PRUNE2: variants seen among roughly 807,000 people sequenced by gnomAD.
PRUNE2 encodes the protein prune homolog 2 with BCH domain.
In PRUNE2, 164 loss-of-function variants were observed where a neutral mutation model predicts 252.0. The ratio of observed to expected loss-of-function variants is 0.65; its 90% confidence interval spans 0.57 to 0.74. The LOEUF is 0.74. Among genes scored for constraint, PRUNE2 ranks in the 30% least tolerant of loss-of-function variants. The pLI is 0.00. For missense variants in PRUNE2, 3,495 were observed against 3,711.0 expected, an observed-to-expected ratio of 0.94 and a Z score of 1.51; for synonymous variants, 1,292 against 1,350.2, an observed-to-expected ratio of 0.96 and a Z score of 0.94.
chr9:76,871,788 C>T (rs1589696085), intron 1 of PRUNE2, among the ~76,000 whole-genome samples: 1 of 152,254 alleles, frequency 6.6e-6, no homozygotes, highest in Non-Finnish European at 1.5e-5. Flanking sequence ...GCCACCCCGC[C>T]TGGCCAATTT....
intron 6 of PRUNE2, among the ~76,000 whole-genome samples, chr9:76,725,073 T>C (rs1265900015): frequency 6.6e-6 from 1 of 152,236 alleles, no homozygotes; most frequent in Non-Finnish European, 1.5e-5. Context: ...TTTTGAGCCA[T>C]GAGCCTGAAC....
chr9:76,637,422 T>C lies in PRUNE2; in HGVS notation c.8959A>G (p.Arg2987Gly). 1 of 1,613,640 alleles carries C rather than the reference T, an allele frequency of 6.2e-7. No individual in the cohort carries two copies. Among genetic ancestry groups the C allele is most frequent in the South Asian group, 1.1e-5 (1 of 91,082 alleles). Reference sequence around the variant, plus strand: ...TAAATAATAGAGCCCACATACCGTCTGTCAATCATCTGGTAGCATTTCTTC... The same window carrying C: ...TAAATAATAGAGCCCACATACCGTCCGTCAATCATCTGGTAGCATTTCTTC... ...WMKKCYQMID[R>G]RLRKNLKSFI... is the part of the protein sequence containing the mutation. Residue 2987 changes from arginine (R) to glycine (G), a missense_variant, in exon 14 of 19, where the codon AGA (arginine) becomes GGA (glycine). Physicochemically the swap from Arg to Gly is moderately radical, Grantham distance 125. Transcript: ENST00000376718.
intron 9 of PRUNE2, among the ~76,000 whole-genome samples, chr9:76,698,462 T>G (rs952919232): frequency 1.3e-5 from 2 of 152,102 alleles, no homozygotes; most frequent in Non-Finnish European, 2.9e-5. Flanking sequence ...TTCTTCCAGG[T>G]TTGGTACAGG....
chr9:76,716,113 A>G (rs1190208413), intron 6 of PRUNE2, among the ~76,000 whole-genome samples: 1 of 152,202 alleles, frequency 6.6e-6, no homozygotes, highest in Non-Finnish European at 1.5e-5. Context: ...AAGAGGGGGC[A>G]GGTTTTATTT....
chr9:76,694,664 T>C (rs1314781035), intron 9 of PRUNE2, among the ~76,000 whole-genome samples: 1 of 152,236 alleles, frequency 6.6e-6, no homozygotes. Context: ...TTGCAAGATG[T>C]TCTCACAGAT....
intron 9 of PRUNE2, among the ~76,000 whole-genome samples, chr9:76,677,546 G>A (rs1015644101): frequency 1.3e-5 from 2 of 152,184 alleles, no homozygotes; most frequent in East Asian, 3.9e-4. Flanking sequence ...GCTGGCAGCC[G>A]GCCCTCTGTG....
Position 76,851,265 on chromosome 9 carries a change from G to A in PRUNE2, c.142-600C>T, listed in dbSNP as rs185564428. 4.1e-3 allele frequency among the ~76,000 whole-genome samples: 630 copies of A among 152,086 alleles called. 3 individuals are homozygous for A. The highest frequency in any genetic ancestry group is 0.014 in the African/African-American group (600 of 41,484). On this transcript the variant is annotated intron_variant, in intron 2 of 18. Coordinates refer to ENST00000376718, the MANE Select transcript of PRUNE2 (RefSeq NM_015225.3). The stretch of plus-strand genomic sequence containing the variant: ...AGTGTAGTTAAAACTTTAAATTAAC[G>A]GGCTGGGTGCGATGGTTCATGCCCG...
chr9:76,784,928 C>T (rs1035880174), intron 6 of PRUNE2: 2 of 152,010 alleles, frequency 1.3e-5, no homozygotes, highest in East Asian at 3.9e-4. Flanking sequence ...TTTTTTTTAA[C>T]CTGGAAGAAT....
At chr9:76,787,080 T>C (rs1005594983) in intron 6 of PRUNE2, 1 of 152,234 alleles carries the variant, frequency 6.6e-6, no homozygotes, top group African/African-American at 2.4e-5. Context: ...CATTTGAGAA[T>C]TCCAATTAGG....
intron 6 of PRUNE2, among the ~76,000 whole-genome samples, chr9:76,799,341 CAAAAA>C (rs71354683): frequency 8.9e-6 from 1 of 112,740 alleles, no homozygotes. Context: ...AACTCTGTCT[CAAAAA>C]AAAAAAAAAA....
intron 1 of PRUNE2, among the ~76,000 whole-genome samples, chr9:76,859,270 C>T (rs931581372): frequency 3.3e-5 from 5 of 152,096 alleles, no homozygotes; most frequent in African/African-American, 4.8e-5. Context: ...TCCTATATAC[C>T]GCTAAAATGA....
chr9:76,702,095 T>C (rs913293036), intron 9 of PRUNE2, among the ~76,000 whole-genome samples: 1 of 151,646 alleles, frequency 6.6e-6, no homozygotes. Context: ...AGTCTGGCTC[T>C]GTCACTCAGG....
intron 6 of PRUNE2, among the ~76,000 whole-genome samples, chr9:76,774,453 T>TTTTTATTTATTTATTTATTTA (rs1554761597): frequency 0.041 from 4,967 of 121,932 alleles, 293 homozygotes; most frequent in Non-Finnish European, 0.056. Flanking sequence ...TTCAACCCTT[T>TTTTTATTTATTTATTTATTTA]TTTTTTTTTT....
intron 6 of PRUNE2, among the ~76,000 whole-genome samples, chr9:76,776,735 G>A (rs866376784): frequency 3.4e-4 from 51 of 150,836 alleles, no homozygotes; most frequent in African/African-American, 1.1e-3. Context: ...GGCTGATCTC[G>A]AACTCCTAAC....
At chr9:76,624,844 T>C (rs1833973622) in intron 16 of PRUNE2, among the ~76,000 whole-genome samples, 1 of 152,126 alleles carries the variant, frequency 6.6e-6, no homozygotes, top group African/African-American at 2.4e-5. Flanking sequence ...GTTTAGTAGG[T>C]TTCAGTTGCA....
At chr9:76,625,128 T>C (rs777409776) in intron 16 of PRUNE2, 8 of 1,064,242 alleles carry the variant, frequency 7.5e-6, no homozygotes, top group Admixed American at 2.3e-5. Context: ...AAGTAAATGA[T>C]TTAAATGACA....
chr9:76,717,833 CCT>C (rs2047291900), intron 6 of PRUNE2, among the ~76,000 whole-genome samples: 1 of 152,122 alleles, frequency 6.6e-6, no homozygotes, highest in South Asian at 2.1e-4. Flanking sequence ...GCAATTGCTC[CCT>C]GTCACAGCCC....
chr9:76,802,912 G>A (rs115181444), intron 6 of PRUNE2, among the ~76,000 whole-genome samples: 2,221 of 152,046 alleles, frequency 0.015, 22 homozygotes, highest in African/African-American at 0.029. Flanking sequence ...TGCTGACATC[G>A]ACACACTTTG....
In PRUNE2 at chr9:76,881,971, T is replaced by C. The variant is rs540041512; in HGVS notation, c.36+23957A>G. ...GAATTATACAATATGTAATCTTTCA[T>C]GACTGGCTTCTTTCACTTTGCATAA... On this transcript the variant is annotated intron_variant, in intron 1 of 18. Coordinates refer to ENST00000376718, the MANE Select transcript of PRUNE2 (RefSeq NM_015225.3). Among the ~76,000 whole-genome samples the C allele has an allele frequency of 5.3e-5, 8 of 152,284 alleles. No homozygotes were observed. The East Asian group carries it at 1.3e-3, about 26-fold the overall frequency.
Sources: allele counts gnomAD v4.1 joint callset (sites outside exome capture counted in the v4.1 genomes callset), GRCh38; gene constraint gnomAD v4.1.1; transcripts MANE v1.5; gene names NCBI Gene and HGNC (gene_info 2026-07-23, HGNC 2026-07-21).